The following MED23 variants were observed in gnomAD, a reference collection of about 807,000 sequenced individuals.
MED23 encodes the protein mediator of RNA polymerase II transcription subunit 23.
MED23 carries 105 observed loss-of-function variants against 163.9 expected under a neutral mutation model. That is an observed-to-expected ratio of 0.64 (90% CI 0.55 to 0.75). The LOEUF (loss-of-function observed/expected upper bound fraction) is 0.75. Ranked by LOEUF, MED23 falls within the 30% of genes least tolerant of loss-of-function variation. The probability of loss-of-function intolerance (pLI) is 0.00; values close to 1 mark genes in which losing one functional copy is unlikely to be tolerated. For missense variants in MED23, 1,054 were observed against 1,649.0 expected (o/e 0.64, Z 6.25); for synonymous variants, 561 against 565.6 (o/e 0.99, Z 0.12).
At chr6:131,592,839 C>A in intron 24 of MED23, 167 bp downstream of exon 24, 3 of 797,428 alleles carry the variant, frequency 3.8e-6, no homozygotes, top group Non-Finnish European at 6.2e-6. Flanking sequence ...GTCCAGGGCT[C>A]ATTCCATAAC....
intron 14 of MED23, among the ~76,000 whole-genome samples, chr6:131,604,730 T>G (rs949640141): frequency 3.3e-5 from 5 of 152,208 alleles, no homozygotes; most frequent in Admixed American, 3.3e-4. Context: ...ATCTGTTATA[T>G]ATGCAAGTGA....
rs1775601204 is a variant in MED23 at position 131,603,019 on chromosome 6, A to G, written c.1931+11T>C. The G allele has an allele frequency of 6.2e-7, 1 of 1,613,258 alleles. No individual in the cohort carries two copies. The highest frequency in any genetic ancestry group is 1.3e-5 in the African/African-American group (1 of 74,888). ...TAAATCTTAAGGAAAGATGGTCTTC[A>G]ATGAGCTCACCAAAGATGGAGCTGG... On this transcript the variant is annotated intron_variant, in intron 16 of 28. Transcript: ENST00000368068.
Position 131,594,247 on chromosome 6 carries a change from A to G in MED23, c.3084T>C (p.His1028=). 1 of 1,614,230 alleles carries G rather than the reference A, an allele frequency of 6.2e-7. No homozygotes were observed. The highest frequency in any genetic ancestry group is 8.5e-7 in the Non-Finnish European group (1 of 1,180,042). ...TATCCTTCAGAGAGCCAATGATCGC[A>G]TGGACGAGTTTTCGTTTGAGAAATG... ...DRAFLKRKLV[H]AIIGSLKDNR... is the part of the protein sequence containing the mutation. The change falls in exon 23 of 29, where the codon CAT becomes CAC. Residue 1028 remains histidine, a synonymous_variant. Transcript: ENST00000368068.
At chr6:131,601,525 A>G (rs1349318704) in intron 17 of MED23, among the ~76,000 whole-genome samples, 3 of 152,218 alleles carry the variant, frequency 2.0e-5, no homozygotes, top group Admixed American at 2.0e-4. Flanking sequence ...CTAACCTTTA[A>G]GCAACTATCA....
In MED23 at chr6:131,628,182, G is replaced by C; in HGVS notation, c.-133C>G. ...CTCCTCGGCGTCGCTTCCTCCCCCA[G>C]CGCTTTACCTGGAGCGTTCCCTCCC... On this transcript the variant is annotated 5_prime_UTR_variant, in exon 1 of 29. Coordinates refer to ENST00000368068, the MANE Select transcript of MED23 (RefSeq NM_004830.4). The C allele has an allele frequency of 9.6e-7, 1 of 1,037,672 alleles. No homozygotes were observed. The highest frequency in any genetic ancestry group is 1.8e-5 in the Admixed American group (1 of 55,796). The allele number at this position is 1,037,672 out of a possible 1,614,324, so 64.3% of individuals were successfully genotyped here.
chr6:131,609,506 CTTTTTTTTTTTT>C (rs71030751), intron 11 of MED23, among the ~76,000 whole-genome samples: 1 of 98,016 alleles, frequency 1.0e-5, no homozygotes, highest in Admixed American at 1.2e-4. Flanking sequence ...GAGACTATTC[CTTTTTTTTTTTT>C]TTTTTTTTTT....
At chr6:131,575,223 T>TA (rs1773557020) in intron 30 of MED23, among the ~76,000 whole-genome samples, 1 of 151,960 alleles carries the variant, frequency 6.6e-6, no homozygotes, top group Non-Finnish European at 1.5e-5. Flanking sequence ...GGGAGAAGGG[T>TA]AAAAAAGCCA....
At chr6:131,604,434 G>A in intron 14 of MED23, 114 bp from the exon 15 acceptor site, 2 of 1,180,914 alleles carry the variant, frequency 1.7e-6, no homozygotes. Flanking sequence ...TTCAAATGAA[G>A]TTGATTCATT....
rs1460485686 is a variant in MED23, at chr6:131,621,921, A to C, written c.455T>G (p.Val152Gly). Residue 152 changes from valine to glycine, a missense_variant, in exon 6 of 29, where the codon GTG (valine) becomes GGG (glycine). Around this residue, in one of 11 missense-constraint regions of MED23, gnomAD observed 227 missense variants for 235.5 expected, o/e 0.96. Transcript: ENST00000368068. ...LEKILTIPNTVSSAVVQQLLA... is the reference protein window; with the variant it reads ...LEKILTIPNTGSSAVVQQLLA... Reference sequence around the variant, plus strand: ...AAGCTGCTGTACAACAGCAGAGCTCACTGTATTAGGAATTGTCAAAATCTT... The same window carrying C: ...AAGCTGCTGTACAACAGCAGAGCTCCCTGTATTAGGAATTGTCAAAATCTT... The C allele has an allele frequency of 1.2e-6, 2 of 1,613,568 alleles. No individual in the cohort carries two copies. The highest frequency in any genetic ancestry group is 1.7e-6 in the Non-Finnish European group (2 of 1,179,728).
chr6:131,579,099 T>G (rs1773781101), intron 30 of MED23: 1 of 1,613,806 alleles, frequency 6.2e-7, no homozygotes. Flanking sequence ...ACTCAAAACT[T>G]TTTAATTTTA....
chr6:131,620,530 T>C, intron 7 of MED23, 98 bp downstream of exon 7: 2 of 796,470 alleles, frequency 2.5e-6, no homozygotes, highest in South Asian at 1.4e-5. Context: ...TGAACTCTTG[T>C]CCTCAAATCA....
In MED23 at chr6:131,589,592, C is replaced by A; in HGVS notation, c.3812G>T (p.Gly1271Val). 6.2e-7 allele frequency: 1 copy of A among 1,613,770 alleles called. No homozygotes were observed. Among genetic ancestry groups the A allele is most frequent in the Non-Finnish European group, 8.5e-7 (1 of 1,179,794 alleles). Residue 1271 changes from glycine to valine, a missense_variant, in exon 28 of 29, where the codon GGT becomes GTT. Gly to Val is a moderately radical substitution (Grantham distance 109). Transcript: ENST00000368068. ...QERTRCMIEI[G>V]VAFYDMLLNV... ...CAGCAGCATGTCATAAAACGCCACA[C>A]CAATCTATTTAACAAATAATGTAAA...
intron 13 of MED23, 84 bp from the exon 14 acceptor site, chr6:131,605,569 A>G (rs1775796830): frequency 2.4e-6 from 3 of 1,247,886 alleles, no homozygotes; most frequent in African/African-American, 1.5e-5. Flanking sequence ...GTTCAATTTT[A>G]TGCAATTATT....
intron 20 of MED23, 41 bp from the exon 21 acceptor site, chr6:131,596,729 C>T (rs1278822881): frequency 1.2e-5 from 19 of 1,593,876 alleles, no homozygotes; most frequent in Non-Finnish European, 1.6e-5. Flanking sequence ...AATGTTCAAC[C>T]TGTGTAAAAT....
At chr6:131,609,733 CATATATATATATGTAT>C (rs1776137343) in intron 11 of MED23, among the ~76,000 whole-genome samples, 1 of 144,728 alleles carries the variant, frequency 6.9e-6, no homozygotes, top group Non-Finnish European at 1.5e-5. Flanking sequence ...TATACACATA[CATATATATATATGTAT>C]ATATATATAT....
At chr6:131,612,034 G>A (rs1776313915) in intron 10 of MED23, among the ~76,000 whole-genome samples, 1 of 151,952 alleles carries the variant, frequency 6.6e-6, no homozygotes. Context: ...GAACAACTAG[G>A]AAATTTACAG....
intron 10 of MED23, among the ~76,000 whole-genome samples, chr6:131,615,124 C>CA (rs958737747): frequency 2.8e-5 from 4 of 142,558 alleles, no homozygotes; most frequent in East Asian, 2.1e-4. Flanking sequence ...TAACAAACAC[C>CA]AAAAAAACAA....
chr6:131,586,877 TAAAA>T lies in MED23; in HGVS notation c.*798_*801del, dbSNP rs1774215555. 1 of 1,456,256 alleles carries T rather than the reference TAAAA, an allele frequency of 6.9e-7. No homozygotes were observed. The highest frequency in any genetic ancestry group is 9.3e-7 in the Non-Finnish European group (1 of 1,077,314). 90.2% of individuals were successfully genotyped at this position (1,456,256 alleles called of 1,614,324 possible). ...GTACTGTATTTACAAATATAAAATT[TAAAA>T]ATTTTAAGATTATAAAAATTGAAGA... On this transcript the variant is annotated 3_prime_UTR_variant, in exon 29 of 29. Coordinates refer to ENST00000368068, the MANE Select transcript of MED23 (RefSeq NM_004830.4).
At position 131,610,517 on chromosome 6, in the gene MED23, A is replaced by T. The variant is rs1400623155; in HGVS notation, c.877-271T>A. Among the ~76,000 whole-genome samples, 3 of 152,208 alleles carry T rather than the reference A, an allele frequency of 2.0e-5. No individual in the cohort carries two copies. In the East Asian group the frequency reaches 5.8e-4, roughly 29 times the overall value. ...CTATGGACATCATTGTTTCAATTTGACAAAGGGCAATGCATAGTAGAGAAT... is the reference window on the plus strand; with the variant it reads ...CTATGGACATCATTGTTTCAATTTGTCAAAGGGCAATGCATAGTAGAGAAT... On this transcript the variant is annotated intron_variant, in intron 10 of 28. Coordinates refer to ENST00000368068, the MANE Select transcript of MED23 (RefSeq NM_004830.4).
Sources: allele counts gnomAD v4.1 joint callset (sites outside exome capture counted in the v4.1 genomes callset), GRCh38; gene constraint gnomAD v4.1.1; regional missense constraint gnomAD v4.1.1; transcripts MANE v1.5; gene names NCBI Gene and HGNC (gene_info 2026-07-23, HGNC 2026-07-21).